The following CAMSAP2 variants were observed in gnomAD, a reference collection of about 807,000 sequenced individuals.
CAMSAP2 encodes the protein calmodulin-regulated spectrin-associated protein 2.
Under a neutral mutation model 146.1 loss-of-function variants are expected in CAMSAP2, and 26 were observed. That is an observed-to-expected ratio of 0.18 (90% CI 0.13 to 0.25). The LOEUF (loss-of-function observed/expected upper bound fraction) is 0.25, where lower values mean the gene tolerates loss of function less well. Among genes scored for constraint, CAMSAP2 ranks in the 10% least tolerant of loss-of-function variants. The pLI, the probability that CAMSAP2 is intolerant of heterozygous loss-of-function variation, is 1.00. For synonymous variants in CAMSAP2, 499 were observed against 596.6 expected, an observed-to-expected ratio of 0.84 and a Z score of 2.38; for missense variants, 1,381 against 1,759.3, an observed-to-expected ratio of 0.78 and a Z score of 3.85.
chr1:200,757,865 C>A (rs1456391890), intron 1 of CAMSAP2, among the ~76,000 whole-genome samples: 1 of 152,168 alleles, frequency 6.6e-6, no homozygotes, highest in Admixed American at 6.5e-5. Flanking sequence ...TTAAAACTTA[C>A]ACTTTCACAA....
intron 3 of CAMSAP2, among the ~76,000 whole-genome samples, chr1:200,815,051 A>G (rs1200409874): frequency 3.3e-5 from 5 of 152,024 alleles, no homozygotes; most frequent in Non-Finnish European, 7.4e-5. Flanking sequence ...AAAAGTTTTC[A>G]TATGCAGAAA....
chr1:200,824,489 A>G (rs189071341), intron 4 of CAMSAP2, among the ~76,000 whole-genome samples: 82 of 152,288 alleles, frequency 5.4e-4, no homozygotes, highest in African/African-American at 1.9e-3. Flanking sequence ...ATACACAAAC[A>G]TGAGTTCATA....
chr1:200,804,281 G>GTA (rs1294238468), intron 2 of CAMSAP2, among the ~76,000 whole-genome samples: 3 of 151,846 alleles, frequency 2.0e-5, no homozygotes, highest in South Asian at 2.1e-4. Flanking sequence ...ATATTTTTAT[G>GTA]TATATATATA....
chr1:200,777,867 G>A (rs1434471007), intron 2 of CAMSAP2, among the ~76,000 whole-genome samples: 2 of 152,174 alleles, frequency 1.3e-5, no homozygotes, highest in Non-Finnish European at 2.9e-5. Context: ...TTGTGCCTGG[G>A]AGGTAAAGGC....
intron 1 of CAMSAP2, among the ~76,000 whole-genome samples, chr1:200,744,018 C>G (rs1436585111): frequency 6.6e-6 from 1 of 152,182 alleles, no homozygotes; most frequent in Non-Finnish European, 1.5e-5. Context: ...CACTGTGTGT[C>G]AAGCACTTTA....
rs570954337 is a variant in CAMSAP2 at position 200,807,585 on chromosome 1, G to A, written c.561+48G>A. 38 of 1,312,440 alleles carry A rather than the reference G, an allele frequency of 2.9e-5. No homozygotes were observed. In the Admixed American group the frequency reaches 5.7e-4, roughly 20 times the overall value. The allele number at this position is 1,312,440 out of a possible 1,614,324, so 81.3% of individuals were successfully genotyped here. ...AAATCGCATCTCATAGCCAGAAAAC[G>A]TGAAATTCTAAATTATACATTGCCA... On this transcript the variant is annotated intron_variant, in intron 3 of 16. Coordinates refer to ENST00000358823, the MANE Select transcript of CAMSAP2 (RefSeq NM_203459.4).
chr1:200,822,882 T>C (rs1037450608), intron 4 of CAMSAP2, among the ~76,000 whole-genome samples: 4 of 152,214 alleles, frequency 2.6e-5, no homozygotes, highest in South Asian at 2.1e-4. Flanking sequence ...TTAAAACTTA[T>C]GAGTTGTTTA....
rs182453054 is a variant in CAMSAP2, at chr1:200,821,598, C to G, written c.645+5954C>G. On this transcript the variant is annotated intron_variant, in intron 4 of 16. Coordinates refer to ENST00000358823, the MANE Select transcript of CAMSAP2 (RefSeq NM_203459.4). Reference sequence around the variant, plus strand: ...CTGGTCTCAAACTCTTGGCCTCCAGCGATCCACCCGCCTCGGCCTCCCAGA... The same window carrying G: ...CTGGTCTCAAACTCTTGGCCTCCAGGGATCCACCCGCCTCGGCCTCCCAGA... Among the ~76,000 whole-genome samples, 4 of 152,250 alleles carry G rather than the reference C, an allele frequency of 2.6e-5. No individual in the cohort carries two copies. The South Asian group carries it at 6.2e-4, about 24-fold the overall frequency.
intron 4 of CAMSAP2, among the ~76,000 whole-genome samples, chr1:200,826,623 G>GT (rs1381675768): frequency 6.6e-6 from 1 of 152,070 alleles, no homozygotes; most frequent in African/African-American, 2.4e-5. Context: ...CCAGAATGTT[G>GT]TAGATACCCA....
At chr1:200,766,422 T>C (rs1386200504) in intron 2 of CAMSAP2, among the ~76,000 whole-genome samples, 1 of 152,174 alleles carries the variant, frequency 6.6e-6, no homozygotes, top group East Asian at 1.9e-4. Context: ...TTACACCTGG[T>C]CTATCAGGTA....
At chr1:200,766,338 A>G (rs1440111045) in intron 2 of CAMSAP2, among the ~76,000 whole-genome samples, 2 of 151,794 alleles carry the variant, frequency 1.3e-5, no homozygotes, top group South Asian at 2.1e-4. Flanking sequence ...TTTTGTAGAG[A>G]CAGGGTCTCC....
intron 1 of CAMSAP2, among the ~76,000 whole-genome samples, chr1:200,753,989 C>T (rs1198416905): frequency 3.9e-5 from 6 of 152,170 alleles, no homozygotes; most frequent in Non-Finnish European, 7.3e-5. Flanking sequence ...ATGAAAGTCT[C>T]CTTACCCCCA....
intron 1 of CAMSAP2, among the ~76,000 whole-genome samples, chr1:200,748,836 A>C (rs1032380463): frequency 1.2e-4 from 18 of 150,918 alleles, no homozygotes; most frequent in Non-Finnish European, 2.2e-4. Context: ...TTGTCTCTCT[A>C]TCATGACTTC....
intron 2 of CAMSAP2, among the ~76,000 whole-genome samples, chr1:200,761,506 C>CG (rs1398764503): frequency 6.6e-6 from 1 of 152,112 alleles, no homozygotes; most frequent in African/African-American, 2.4e-5. Flanking sequence ...GAGGCCGAGG[C>CG]GGGCAGATCA....
At chr1:200,810,545 C>T (rs890873398) in intron 3 of CAMSAP2, among the ~76,000 whole-genome samples, 25 of 147,568 alleles carry the variant, frequency 1.7e-4, no homozygotes, top group South Asian at 8.6e-4. Flanking sequence ...CACGGCACTC[C>T]AGCCTGGGTG....
intron 2 of CAMSAP2, among the ~76,000 whole-genome samples, chr1:200,785,153 T>C (rs1243849365): frequency 6.6e-6 from 1 of 152,152 alleles, no homozygotes; most frequent in Non-Finnish European, 1.5e-5. Context: ...AGGTTTAATT[T>C]GTTAATATTT....
At chr1:200,817,132 A>G (rs1416566358) in intron 4 of CAMSAP2, among the ~76,000 whole-genome samples, 1 of 140,490 alleles carries the variant, frequency 7.1e-6, no homozygotes, top group African/African-American at 2.6e-5. Flanking sequence ...ACACGTATAT[A>G]TGTGTATATA....
intron 2 of CAMSAP2, among the ~76,000 whole-genome samples, chr1:200,762,691 C>T (rs182417445): frequency 7.9e-4 from 120 of 152,278 alleles, no homozygotes; most frequent in African/African-American, 2.7e-3. Flanking sequence ...TTCAGATCCT[C>T]TAATAAGAAT....
In CAMSAP2 at chr1:200,836,556, C is replaced by T. The variant is rs553944781; in HGVS notation, c.927+3711C>T. On this transcript the variant is annotated intron_variant, in intron 6 of 16. Transcript: ENST00000358823. Reference sequence around the variant, plus strand: ...TTAATAGTGCTGCAGTGAACATACACATGCATGTGTCTTTTTGGTGGAATG... The same window carrying T: ...TTAATAGTGCTGCAGTGAACATACATATGCATGTGTCTTTTTGGTGGAATG... Among the ~76,000 whole-genome samples, 136 of 123,284 alleles carry T rather than the reference C, an allele frequency of 1.1e-3. 1 individual carries two copies. Among genetic ancestry groups the T allele is most frequent in the African/African-American group, 3.6e-3 (133 of 36,552 alleles). The allele number at this position is 123,284 out of a possible 152,430, so 80.9% of individuals were successfully genotyped here. A position where few individuals can be genotyped will look rare whatever the true frequency, so the allele number is the denominator to read the frequency against.
Sources: gnomAD v4.1 joint callset for allele counts (sites outside exome capture counted in the v4.1 genomes callset) on GRCh38, gnomAD v4.1.1 for gene constraint, MANE v1.5 for transcripts, NCBI Gene and HGNC (gene_info 2026-07-23, HGNC 2026-07-21) for gene names.